RAPGEF6: variants seen among roughly 807,000 people sequenced by gnomAD.
RAPGEF6 encodes the protein Rap guanine nucleotide exchange factor 6.
A neutral mutation model predicts 171.4 loss-of-function variants in RAPGEF6; 56 were observed. That is an observed-to-expected ratio of 0.33 (90% confidence interval 0.26 to 0.41). The LOEUF (loss-of-function observed/expected upper bound fraction) is 0.41, where lower values mean the gene tolerates loss of function less well. Ranked by LOEUF, RAPGEF6 falls within the 10% of genes least tolerant of loss-of-function variation. The pLI is 1.00. For synonymous variants in RAPGEF6, 692 were observed against 650.1 expected, an observed-to-expected ratio of 1.06 and a Z score of -0.98; for missense variants, 1,674 against 1,921.4, an observed-to-expected ratio of 0.87 and a Z score of 2.41.
chr5:131,588,704 C>G (rs1175524234), intron 4 of RAPGEF6, among the ~76,000 whole-genome samples: 1 of 152,002 alleles, frequency 6.6e-6, no homozygotes, highest in Non-Finnish European at 1.5e-5. Context: ...GACTGAGCCA[C>G]CGCACTCCAG....
rs191185978 is a variant in RAPGEF6 at position 131,518,011 on chromosome 5, T to G, written c.627+3379A>C. ...TACGTCCTCCTTAATATTTGTTAAA[T>G]AAATAAAAATGTTCGTTTAAGAAAC... On this transcript the variant is annotated intron_variant, in intron 7 of 27. Transcript: ENST00000509018. Among the ~76,000 whole-genome samples the G allele has an allele frequency of 3.4e-3, 512 of 152,156 alleles. 2 individuals carry two copies. Among genetic ancestry groups the G allele is most frequent in the African/African-American group, 0.012 (492 of 41,532 alleles).
rs1038257797 is a variant in RAPGEF6 at position 131,605,923 on chromosome 5, G to C, written c.70-1230C>G. On this transcript the variant is annotated intron_variant, in intron 1 of 27. Coordinates refer to ENST00000509018, the MANE Select transcript of RAPGEF6 (RefSeq NM_016340.6). ...CAGGTGCCTGTAGTCCCAGCTACTC[G>C]GGAGGCTAAGGCAGGAGAATGGCGT... Among the ~76,000 whole-genome samples the C allele has an allele frequency of 2.0e-5, 3 of 150,966 alleles. No homozygotes were observed. The South Asian group carries it at 6.3e-4, about 32-fold the overall frequency.
chr5:131,486,750 G>A (rs1349395609), intron 15 of RAPGEF6, among the ~76,000 whole-genome samples: 1 of 111,776 alleles, frequency 8.9e-6, no homozygotes, highest in East Asian at 2.5e-4. Context: ...TTTTTTTTGA[G>A]ATAGAGTCTC....
At chr5:131,466,946 T>C (rs71591975) in intron 17 of RAPGEF6, among the ~76,000 whole-genome samples, 87 of 152,240 alleles carry the variant, frequency 5.7e-4, no homozygotes, top group African/African-American at 2.1e-3. Context: ...ACCTGTACTG[T>C]TGCTACCCTC....
At chr5:131,518,422 A>G (rs1758247543) in intron 7 of RAPGEF6, among the ~76,000 whole-genome samples, 1 of 142,960 alleles carries the variant, frequency 7.0e-6, no homozygotes, top group Non-Finnish European at 1.5e-5. Flanking sequence ...TTGGAGACGG[A>G]GTTTCACTCT....
chr5:131,561,245 T>C (rs1761579961), intron 5 of RAPGEF6, among the ~76,000 whole-genome samples: 1 of 152,222 alleles, frequency 6.6e-6, no homozygotes, highest in African/African-American at 2.4e-5. Context: ...ACTAACACCA[T>C]TTCTTACTTG....
At chr5:131,604,311 A>G (rs1485090807) in intron 2 of RAPGEF6, among the ~76,000 whole-genome samples, 2 of 152,210 alleles carry the variant, frequency 1.3e-5, no homozygotes, top group African/African-American at 4.8e-5. Context: ...AAATACTTCA[A>G]CAAAGATACT....
At chr5:131,530,727 T>C (rs774898414) in intron 6 of RAPGEF6, among the ~76,000 whole-genome samples, 5 of 152,186 alleles carry the variant, frequency 3.3e-5, no homozygotes, top group Non-Finnish European at 5.9e-5. Flanking sequence ...TTTTGAAATT[T>C]TGACTCTTCC....
chr5:131,562,898 T>C (rs1761694172), intron 4 of RAPGEF6, among the ~76,000 whole-genome samples: 1 of 152,090 alleles, frequency 6.6e-6, no homozygotes, highest in Non-Finnish European at 1.5e-5. Context: ...AAAGAAAGTG[T>C]TGGAGTCACA....
intron 1 of RAPGEF6, among the ~76,000 whole-genome samples, chr5:131,626,963 G>C (rs1466234823): frequency 6.6e-6 from 1 of 152,194 alleles, no homozygotes; most frequent in African/African-American, 2.4e-5. Flanking sequence ...TCAGATCTGA[G>C]AGGAAGATCA....
chr5:131,482,588 C>T (rs1412613945), intron 15 of RAPGEF6, among the ~76,000 whole-genome samples: 1 of 152,192 alleles, frequency 6.6e-6, no homozygotes, highest in African/African-American at 2.4e-5. Flanking sequence ...CAGGGGTGAG[C>T]CACCACGACT....
At chr5:131,632,615 G>C (rs1202237641) in intron 1 of RAPGEF6, among the ~76,000 whole-genome samples, 11 of 152,144 alleles carry the variant, frequency 7.2e-5, no homozygotes, top group Non-Finnish European at 1.6e-4. Context: ...CTTTGTTTAT[G>C]GATACAACAT....
At chr5:131,616,758 G>A (rs988924212) in intron 1 of RAPGEF6, among the ~76,000 whole-genome samples, 3 of 151,648 alleles carry the variant, frequency 2.0e-5, no homozygotes, top group Admixed American at 1.3e-4. Context: ...TGAGACTCTC[G>A]AGTGTGCCAC....
rs774547978 is a variant in RAPGEF6, at chr5:131,456,026, G to A, written c.2865-14C>T. ...AGGTTCAAGCCACTGCCAAAGATGA[G>A]AATAGAAACATTAAAAAGAAACTTG... is the stretch of plus-strand genomic sequence containing the variant. On this transcript the variant is annotated splice_polypyrimidine_tract_variant and intron_variant, in intron 19 of 27. Coordinates refer to ENST00000509018, the MANE Select transcript of RAPGEF6 (RefSeq NM_016340.6). The A allele has an allele frequency of 1.9e-6, 3 of 1,607,566 alleles. No individual in the cohort carries two copies. Among genetic ancestry groups the A allele is most frequent in the Non-Finnish European group, 2.6e-6 (3 of 1,176,360 alleles).
intron 9 of RAPGEF6, 42 bp from the exon 10 acceptor site, chr5:131,505,564 GGTA>G: frequency 6.5e-7 from 1 of 1,536,456 alleles, no homozygotes; most frequent in Admixed American, 1.9e-5. Flanking sequence ...TTTTAAAAAA[GGTA>G]GTTACATGTT....
chr5:131,627,183 A>T (rs755086897), intron 1 of RAPGEF6, among the ~76,000 whole-genome samples: 4 of 152,246 alleles, frequency 2.6e-5, no homozygotes, highest in Non-Finnish European at 5.9e-5. Context: ...CAGATTATGA[A>T]GGAAGAGGAA....
At chr5:131,517,423 G>A (rs1257554042) in intron 7 of RAPGEF6, among the ~76,000 whole-genome samples, 2 of 150,680 alleles carry the variant, frequency 1.3e-5, no homozygotes, top group East Asian at 3.9e-4. Flanking sequence ...ATTTCTAGAA[G>A]AATAAAAGCA....
At chr5:131,574,038 T>C (rs1381413345) in intron 4 of RAPGEF6, among the ~76,000 whole-genome samples, 1 of 152,126 alleles carries the variant, frequency 6.6e-6, no homozygotes, top group African/African-American at 2.4e-5. Context: ...GCCTTCACTG[T>C]GAGACAACCC....
intron 3 of RAPGEF6, among the ~76,000 whole-genome samples, chr5:131,600,084 T>C (rs11242084): frequency 0.64 from 96,921 of 152,114 alleles, 32,679 homozygotes; most frequent in Non-Finnish European, 0.77. Context: ...TGTATGAAGA[T>C]TTCTTTCATT....
Sources: allele counts gnomAD v4.1 joint callset (sites outside exome capture counted in the v4.1 genomes callset), GRCh38; gene constraint gnomAD v4.1.1; transcripts MANE v1.5; gene names NCBI Gene and HGNC (gene_info 2026-07-23, HGNC 2026-07-21).